Variants in SLC30A8 observed in about 807,000 individuals in gnomAD.
The protein encoded by SLC30A8 is proton-coupled zinc antiporter SLC30A8.
Under a neutral mutation model 36.9 loss-of-function variants are expected in SLC30A8, and 27 were observed. The observed-to-expected ratio is 0.73, with a 90% CI of 0.54 to 1.01. The LOEUF is 1.01. Ranked by LOEUF, SLC30A8 falls within the 50% of genes least tolerant of loss-of-function variation. The pLI is 0.00. For synonymous variants in SLC30A8, 164 were observed against 172.4 expected (o/e 0.95, Z 0.38); for missense variants, 439 against 452.0 (o/e 0.97, Z 0.26).
At chr8:117,131,184 G>A (rs923097969), upstream of SLC30A8, among the ~76,000 whole-genome samples, 5 of 151,772 alleles carry the variant, frequency 3.3e-5, no homozygotes, top group Non-Finnish European at 7.4e-5. Flanking sequence ...TATTGGAAAT[G>A]GTTTGTGTTT....
rs1428078372 is a variant in SLC30A8, at chr8:117,163,544, T to C, written c.829+14T>C. The C allele has an allele frequency of 6.4e-7, 1 of 1,572,904 alleles. No individual in the cohort carries two copies. The highest frequency in any genetic ancestry group is 1.4e-5 in the African/African-American group (1 of 73,906). On this transcript the variant is annotated intron_variant, in intron 6 of 7. Transcript: ENST00000456015. ...TACTCATGGAAGGTAGGAGTGATTT[T>C]ATTATTACTCCCAGAGTCAGTGTTT...
At chr8:117,037,586 C>A (rs1215759877) in intron 1 of SLC30A8, among the ~76,000 whole-genome samples, 1 of 152,056 alleles carries the variant, frequency 6.6e-6, no homozygotes, top group Non-Finnish European at 1.5e-5. Context: ...ATAAAATGTA[C>A]CATTGAGAAG....
At chr8:117,165,854 T>C (rs1221860808) in intron 6 of SLC30A8, among the ~76,000 whole-genome samples, 2 of 152,228 alleles carry the variant, frequency 1.3e-5, no homozygotes, top group Non-Finnish European at 2.9e-5. Context: ...TGGAGGACAT[T>C]ATGCTAAGTA....
intron 1 of SLC30A8, among the ~76,000 whole-genome samples, chr8:116,975,991 T>C (rs527236279): frequency 2.0e-5 from 3 of 152,034 alleles, no homozygotes; most frequent in Non-Finnish European, 4.4e-5. Flanking sequence ...GAGAGGAGAA[T>C]GGGTTGAACT....
At chr8:117,150,783 T>G (rs1822147099) in intron 2 of SLC30A8, among the ~76,000 whole-genome samples, 1 of 152,190 alleles carries the variant, frequency 6.6e-6, no homozygotes, top group South Asian at 2.1e-4. Context: ...TTTTTCATAT[T>G]TTTAGTGGAG....
chr8:116,990,266 G>C (rs572114141), intron 1 of SLC30A8, among the ~76,000 whole-genome samples: 16 of 151,972 alleles, frequency 1.1e-4, no homozygotes, highest in Admixed American at 2.0e-4. Context: ...GTGACACCCA[G>C]TCTTACCTTT....
At position 117,102,551 on chromosome 8, in the gene SLC30A8, A is replaced by C. The variant is rs180860929; in HGVS notation, c.-225-32729A>C. Among the ~76,000 whole-genome samples the C allele has an allele frequency of 1.5e-3, 233 of 152,304 alleles. 1 individual carries two copies. The highest frequency in any genetic ancestry group is 5.4e-3 in the African/African-American group (224 of 41,564). On this transcript the variant is annotated intron_variant, in intron 2 of 10. Transcript: ENST00000427715. ...GTCCAAAGAAACAGAAATCTATTCT[A>C]TCCCAGTTCTGGACTCTAGAAGTCT...
At chr8:117,097,396 CAA>C (rs1157294543) in intron 2 of SLC30A8, among the ~76,000 whole-genome samples, 803 of 25,038 alleles carry the variant, frequency 0.032, 24 homozygotes, top group African/African-American at 0.081. Context: ...GACTCCATCT[CAA>C]AAAAAAAAAA....
Position 117,146,940 on chromosome 8 carries a change from A to C in SLC30A8, c.72-14A>C, listed in dbSNP as rs1445610694. On this transcript the variant is annotated splice_polypyrimidine_tract_variant and intron_variant, in intron 1 of 7. Coordinates refer to ENST00000456015, the MANE Select transcript of SLC30A8 (RefSeq NM_173851.3). ...ACTATGTTCACTTCTTGCTTCTGTC[A>C]AACTCATCCATAGTGTGGAACTCCA... is the stretch of plus-strand genomic sequence containing the variant. The C allele has an allele frequency of 6.2e-7, 1 of 1,613,692 alleles. No homozygotes were observed.
In SLC30A8 at chr8:117,031,084, T is replaced by C. The variant is rs138616323; in HGVS notation, c.-265-8135T>C. 4.6e-3 allele frequency among the ~76,000 whole-genome samples: 701 copies of C among 152,340 alleles called. 6 individuals carry two copies. Among genetic ancestry groups the C allele is most frequent in the African/African-American group, 0.016 (671 of 41,574 alleles). Reference sequence around the variant, plus strand: ...CCATAACTGACCCCATTGACCCAAATATTTCAGAAGAGAAAGCTGAACTAG... The same window carrying C: ...CCATAACTGACCCCATTGACCCAAACATTTCAGAAGAGAAAGCTGAACTAG... On this transcript the variant is annotated intron_variant, in intron 1 of 10. Transcript: ENST00000427715.
At chr8:117,037,298 C>A (rs1206452847) in intron 1 of SLC30A8, among the ~76,000 whole-genome samples, 1 of 152,134 alleles carries the variant, frequency 6.6e-6, no homozygotes, top group African/African-American at 2.4e-5. Flanking sequence ...ATAATAACTG[C>A]CTCTTTCTGA....
rs1821799148 is a variant in SLC30A8 at position 117,144,272 on chromosome 8, A to G, written c.72-2682A>G. On this transcript the variant is annotated intron_variant, in intron 1 of 7. Transcript: ENST00000456015. ...TTAAGATATAAATACTTTATTTGTT[A>G]CTTTCCAAATTGTTCTTATTCCAAC... is the stretch of plus-strand genomic sequence containing the variant. Among the ~76,000 whole-genome samples, 5 of 152,166 alleles carry G rather than the reference A, an allele frequency of 3.3e-5. No homozygotes were observed. In the South Asian group the frequency reaches 1.0e-3, roughly 32 times the overall value.
intron 2 of SLC30A8, among the ~76,000 whole-genome samples, chr8:117,090,532 G>T (rs1357977527): frequency 1.3e-5 from 2 of 152,232 alleles, no homozygotes; most frequent in South Asian, 2.1e-4. Flanking sequence ...TTGCTTCCTT[G>T]TTCCTAGGTG....
At chr8:117,082,716 C>T (rs567721314) in intron 2 of SLC30A8, among the ~76,000 whole-genome samples, 13 of 152,128 alleles carry the variant, frequency 8.5e-5, no homozygotes, top group South Asian at 2.1e-4. Flanking sequence ...TTGGGAGAAA[C>T]GATAATGTAA....
At chr8:117,055,754 G>GT (rs1350397554) in intron 2 of SLC30A8, 1 of 152,214 alleles carries the variant, frequency 6.6e-6, no homozygotes, top group Non-Finnish European at 1.5e-5. Flanking sequence ...ATTTACACGT[G>GT]TATGTCCTTC....
At chr8:117,058,572 A>G (rs1817938533) in intron 2 of SLC30A8, among the ~76,000 whole-genome samples, 1 of 152,122 alleles carries the variant, frequency 6.6e-6, no homozygotes, top group Admixed American at 6.6e-5. Context: ...CAGCATATTA[A>G]TTTGTGGGGG....
At chr8:117,092,544 A>G (rs1306264281) in intron 2 of SLC30A8, among the ~76,000 whole-genome samples, 1 of 152,212 alleles carries the variant, frequency 6.6e-6, no homozygotes, top group Non-Finnish European at 1.5e-5. Context: ...TACTAGACTA[A>G]TGATGTGAAC....
At chr8:117,138,076 A>AG (rs900437906) in intron 1 of SLC30A8, among the ~76,000 whole-genome samples, 2 of 147,634 alleles carry the variant, frequency 1.4e-5, no homozygotes, top group African/African-American at 5.2e-5. Context: ...AAAAAAAAAA[A>AG]AAAAGAAAAA....
Position 117,163,460 on chromosome 8 carries a change from C to G in SLC30A8, c.759C>G (p.Phe253Leu), listed in dbSNP as rs867450817. 2 of 1,613,444 alleles carry G rather than the reference C, an allele frequency of 1.2e-6. No individual in the cohort carries two copies. The highest frequency in any genetic ancestry group is 1.7e-6 in the Non-Finnish European group (2 of 1,179,720). The change falls in exon 6 of 8, where the codon TTC becomes TTG. Residue 253 changes from phenylalanine to leucine, a missense_variant. Coordinates refer to ENST00000456015, the MANE Select transcript of SLC30A8 (RefSeq NM_173851.3). The part of the protein sequence containing the change: ...EYKIADPICT[F>L]IFSILVLAST... ...AAATAGCCGACCCAATCTGCACATTCATCTTTTCCATCCTGGTCTTGGCCA... is the reference window on the plus strand; with the variant it reads ...AAATAGCCGACCCAATCTGCACATTGATCTTTTCCATCCTGGTCTTGGCCA...
Sources: gnomAD v4.1 joint callset for allele counts (sites outside exome capture counted in the v4.1 genomes callset) on GRCh38, gnomAD v4.1.1 for gene constraint, MANE v1.5 for transcripts, NCBI Gene and HGNC (gene_info 2026-07-23, HGNC 2026-07-21) for gene names.